The following CERT1 variants were observed in gnomAD, a reference collection of about 807,000 sequenced individuals.
CERT1 encodes the protein ceramide transfer protein.
In CERT1, 31 loss-of-function variants were observed where a neutral mutation model predicts 87.9. The observed-to-expected ratio is 0.35, with a 90% CI of 0.27 to 0.48. The LOEUF is 0.48. Among genes scored for constraint, CERT1 ranks in the 20% least tolerant of loss-of-function variants. CERT1 has a pLI of 0.99. For synonymous variants in CERT1, 289 were observed against 250.9 expected, an observed-to-expected ratio of 1.15 and a Z score of -1.44; for missense variants, 487 against 758.0, an observed-to-expected ratio of 0.64 and a Z score of 4.20.
intron 3 of CERT1, among the ~76,000 whole-genome samples, chr5:75,443,934 T>A (rs1490760132): frequency 1.3e-5 from 2 of 152,206 alleles, no homozygotes; most frequent in African/African-American, 2.4e-5. Context: ...TAAAGTCTAT[T>A]TTCTCTGATA....
At chr5:75,408,498 T>C (rs1431882244) in intron 8 of CERT1, among the ~76,000 whole-genome samples, 1 of 152,064 alleles carries the variant, frequency 6.6e-6, no homozygotes, top group Non-Finnish European at 1.5e-5. Context: ...AGCCCGAACC[T>C]CAGTTTGGTC....
chr5:75,497,880 A>C (rs1470898606), intron 2 of CERT1, among the ~76,000 whole-genome samples: 1 of 152,220 alleles, frequency 6.6e-6, no homozygotes, highest in Non-Finnish European at 1.5e-5. Flanking sequence ...GGTAACAGGC[A>C]GAGGCTGGAA....
intron 2 of CERT1, among the ~76,000 whole-genome samples, chr5:75,491,702 T>G (rs549546978): frequency 6.6e-6 from 1 of 152,308 alleles, no homozygotes; most frequent in East Asian, 1.9e-4. Context: ...ATGATTATTT[T>G]GCAGTTTTGC....
chr5:75,389,752 G>C lies in CERT1; in HGVS notation c.1189-65C>G, dbSNP rs575365667. On this transcript the variant is annotated intron_variant, in intron 11 of 16. Transcript: ENST00000643780. ...ATGTCATAATCTCTAAAACAGAATG[G>C]TCTTCAGTTAACTTCAGTTCAGAAA... 7.8e-5 allele frequency: 98 copies of C among 1,258,912 alleles called. No homozygotes were observed. The African/African-American group carries it at 1.3e-3, about 17-fold the overall frequency. The allele number at this position is 1,258,912 out of a possible 1,614,324, so 78.0% of individuals were successfully genotyped here. A position where few individuals can be genotyped will look rare whatever the true frequency, so the allele number is the denominator to read the frequency against.
intron 2 of CERT1, 24 bp downstream of exon 2, chr5:75,505,958 G>T: frequency 6.3e-7 from 1 of 1,597,040 alleles, no homozygotes; most frequent in South Asian, 1.1e-5. Flanking sequence ...AATATTTGTT[G>T]AATGAAGAAG....
intron 1 of CERT1, among the ~76,000 whole-genome samples, chr5:75,506,561 C>T (rs1580870925): frequency 6.6e-6 from 1 of 152,296 alleles, no homozygotes; most frequent in East Asian, 1.9e-4. Context: ...ATGAAGCCTT[C>T]TAAATCAACG....
chr5:75,454,296 T>C (rs1764881241), intron 3 of CERT1, among the ~76,000 whole-genome samples: 1 of 152,224 alleles, frequency 6.6e-6, no homozygotes, highest in East Asian at 1.9e-4. Flanking sequence ...ATGCAGTTTT[T>C]GCATTGTTGA....
chr5:75,427,552 T>C (rs1428637531), intron 3 of CERT1, among the ~76,000 whole-genome samples: 1 of 152,146 alleles, frequency 6.6e-6, no homozygotes, highest in East Asian at 1.9e-4. Context: ...TGAGCCGAGA[T>C]TACGCCACTG....
intron 2 of CERT1, among the ~76,000 whole-genome samples, chr5:75,466,740 A>T (rs1459286135): frequency 6.6e-6 from 1 of 152,172 alleles, no homozygotes; most frequent in Non-Finnish European, 1.5e-5. Flanking sequence ...CCTCTGCAGG[A>T]CTATCCCTCC....
intron 11 of CERT1, among the ~76,000 whole-genome samples, chr5:75,391,009 A>G (rs1762008249): frequency 6.6e-6 from 1 of 151,742 alleles, no homozygotes; most frequent in South Asian, 2.1e-4. Context: ...TTCGTGGCCC[A>G]GACTGCAGTA....
downstream of CERT1, chr5:75,374,025 G>A: frequency 2.5e-6 from 1 of 398,518 alleles, no homozygotes; most frequent in South Asian, 1.3e-4. Context: ...GATAGCTAGT[G>A]TTAGATGTTC....
intron 8 of CERT1, among the ~76,000 whole-genome samples, chr5:75,405,423 C>T (rs756206023): frequency 3.7e-4 from 56 of 152,174 alleles, no homozygotes; most frequent in Non-Finnish European, 7.4e-4. Context: ...CCTTTGATGA[C>T]TCCTAAATTC....
At position 75,397,460 on chromosome 5, in the gene CERT1, A is replaced by T. The variant is rs577018380; in HGVS notation, c.1188+1850T>A. On this transcript the variant is annotated intron_variant, in intron 11 of 16. Transcript: ENST00000643780. ...TCAGTGATATAGTTACCTGGACTTA[A>T]AAGCAATTCAGCTGTTCTACAGCAC... 7.2e-5 allele frequency among the ~76,000 whole-genome samples: 11 copies of T among 152,356 alleles called. No homozygotes were observed. In the East Asian group the frequency reaches 1.9e-3, roughly 27 times the overall value.
chr5:75,440,123 C>T (rs1194686625), intron 3 of CERT1, among the ~76,000 whole-genome samples: 1 of 151,980 alleles, frequency 6.6e-6, no homozygotes, highest in Non-Finnish European at 1.5e-5. Context: ...TGAAAATGTA[C>T]ATATACAGTA....
At chr5:75,393,219 T>G (rs1471826924) in intron 11 of CERT1, among the ~76,000 whole-genome samples, 1 of 151,934 alleles carries the variant, frequency 6.6e-6, no homozygotes, top group Non-Finnish European at 1.5e-5. Flanking sequence ...AAGTGTAATT[T>G]CAGAAATCAT....
chr5:75,406,591 A>G (rs1261141350), intron 8 of CERT1, among the ~76,000 whole-genome samples: 1 of 146,222 alleles, frequency 6.8e-6, no homozygotes, highest in Non-Finnish European at 1.5e-5. Flanking sequence ...CCCAGGCTGG[A>G]GTGCAGTAGC....
intron 2 of CERT1, among the ~76,000 whole-genome samples, chr5:75,471,942 ACCAGAAAAGAC>A (rs1765731309): frequency 6.6e-6 from 1 of 152,138 alleles, no homozygotes; most frequent in Non-Finnish European, 1.5e-5. Flanking sequence ...CTCATGTGGA[ACCAGAAAAGAC>A]CCCAAAGAGC....
At chr5:75,506,161 A>G (rs752028877) in intron 1 of CERT1, 45 bp from the exon 2 acceptor site, 4 of 1,585,672 alleles carry the variant, frequency 2.5e-6, no homozygotes, top group Non-Finnish European at 2.6e-6. Flanking sequence ...AACAAAAAAT[A>G]GAAGTATTTT....
chr5:75,389,770 T>C (rs1010619808), intron 11 of CERT1, 83 bp from the exon 12 acceptor site: 1 of 1,050,532 alleles, frequency 9.5e-7, no homozygotes, highest in Non-Finnish European at 1.5e-6. Flanking sequence ...TTAACTTCAG[T>C]TCAGAAATGG....
Sources: allele counts gnomAD v4.1 joint callset (sites outside exome capture counted in the v4.1 genomes callset), GRCh38; gene constraint gnomAD v4.1.1; transcripts MANE v1.5; gene names NCBI Gene and HGNC (gene_info 2026-07-23, HGNC 2026-07-21).